The following ZNF469 variants were observed in gnomAD, a reference collection of about 807,000 sequenced individuals.
The protein encoded by ZNF469 is zinc finger protein 469.
A neutral mutation model predicts 1.0 loss-of-function variants in ZNF469; 1 was observed. The observed-to-expected ratio is 1.00, with a 90% confidence interval of 0.35 to 4.73. The LOEUF (loss-of-function observed/expected upper bound fraction) is 4.73, where lower values mean the gene tolerates loss of function less well. Ranked by LOEUF, ZNF469 falls within the 30% of genes most tolerant of loss-of-function variation. The probability of loss-of-function intolerance (pLI) is 0.16; values close to 1 mark genes in which losing one functional copy is unlikely to be tolerated. For missense variants in ZNF469, 6,100 were observed against 5,356.3 expected (o/e 1.14, Z -4.33); for synonymous variants, 2,703 against 2,363.4 (o/e 1.14, Z -4.17).
the ZNF469 span, among the ~76,000 whole-genome samples, chr16:88,152,934 G>A: frequency 1.1e-4 from 17 of 152,256 alleles, no homozygotes; most frequent in East Asian, 1.7e-3. This position sits in a 1 kb window ranked among gnomAD's most constrained non-coding sequence, Gnocchi z 4.2. Context: ...TCCAAATGCC[G>A]TCTCCTCCAC....
the ZNF469 span, among the ~76,000 whole-genome samples, chr16:88,301,009 G>A: frequency 6.6e-6 from 1 of 151,960 alleles, no homozygotes; most frequent in African/African-American, 2.4e-5. Flanking sequence ...AGGTTGCAGT[G>A]AGCTGAAATC....
the ZNF469 span, among the ~76,000 whole-genome samples, chr16:88,315,235 G>A: frequency 3.3e-4 from 51 of 152,330 alleles, 2 homozygotes; most frequent in East Asian, 2.3e-3. Flanking sequence ...TGAAACGGGC[G>A]CACGAGATCT....
At chr16:88,123,954 C>A in the ZNF469 span, among the ~76,000 whole-genome samples, 2 of 152,222 alleles carry the variant, frequency 1.3e-5, no homozygotes, top group Admixed American at 6.5e-5. Flanking sequence ...CAGGCATGTG[C>A]CACCACGCCC....
the ZNF469 span, among the ~76,000 whole-genome samples, chr16:88,311,381 G>A: frequency 2.5e-3 from 375 of 152,178 alleles, 2 homozygotes; most frequent in African/African-American, 8.7e-3. Context: ...TTTTAGAAAT[G>A]TAATGTACAT....
the ZNF469 span, among the ~76,000 whole-genome samples, chr16:88,312,348 A>G: frequency 6.8e-4 from 103 of 152,296 alleles, no homozygotes; most frequent in African/African-American, 2.4e-3. Context: ...GCTGGGATTT[A>G]CCTTCTTGCA....
chr16:88,166,869 T>A, the ZNF469 span, among the ~76,000 whole-genome samples: 99 of 151,964 alleles, frequency 6.5e-4, no homozygotes, highest in African/African-American at 2.1e-3. This position sits in a 1 kb window ranked among gnomAD's most constrained non-coding sequence, Gnocchi z 4.5. Context: ...ACCACATTGA[T>A]AACAGATAGC....
chr16:88,154,402 G>T, the ZNF469 span, among the ~76,000 whole-genome samples: 1 of 152,226 alleles, frequency 6.6e-6, no homozygotes, highest in African/African-American at 2.4e-5. Flanking sequence ...CTGACCTCAA[G>T]AGATCCACCC....
At chr16:88,365,933 T>C in the ZNF469 span, among the ~76,000 whole-genome samples, 1 of 152,198 alleles carries the variant, frequency 6.6e-6, no homozygotes, top group Admixed American at 6.5e-5. Context: ...CAACCAGCCA[T>C]ACACACATGG....
the ZNF469 span, among the ~76,000 whole-genome samples, chr16:88,272,738 A>G: frequency 6.7e-6 from 1 of 148,330 alleles, no homozygotes; most frequent in Non-Finnish European, 1.5e-5. Context: ...GAGTGGACGG[A>G]TGGATGAACG....
At chr16:88,117,328 C>T in the ZNF469 span, among the ~76,000 whole-genome samples, 2 of 152,190 alleles carry the variant, frequency 1.3e-5, no homozygotes, top group Non-Finnish European at 2.9e-5. Flanking sequence ...GTGGCTCTCT[C>T]TGCCTTTCTC....
the ZNF469 span, among the ~76,000 whole-genome samples, chr16:88,289,763 G>T: frequency 6.6e-6 from 1 of 152,334 alleles, no homozygotes; most frequent in South Asian, 2.1e-4. Context: ...CCTGGTAACA[G>T]ATGTTAGAAA....
At chr16:88,349,860 C>T in the ZNF469 span, among the ~76,000 whole-genome samples, 120 of 666 alleles carry the variant, frequency 0.18, no homozygotes, top group East Asian at 0.24. Flanking sequence ...CAAGTGCACA[C>T]ACACCATGCA....
the ZNF469 span, among the ~76,000 whole-genome samples, chr16:88,133,848 C>G: frequency 6.6e-5 from 10 of 152,334 alleles, no homozygotes; most frequent in South Asian, 1.2e-3. Flanking sequence ...AATCCCAGCA[C>G]TGTGGGAGGC....
At chr16:88,187,581 TTTC>T in the ZNF469 span, among the ~76,000 whole-genome samples, 3 of 151,758 alleles carry the variant, frequency 2.0e-5, no homozygotes, top group Admixed American at 6.5e-5. Context: ...AGGTTGTTTT[TTTC>T]TTTCTTTTTT....
At chr16:88,380,904 ACTCACAGACATGCACTCACACAGACACG>A, upstream of ZNF469, among the ~76,000 whole-genome samples, 1 of 113,580 alleles carries the variant, frequency 8.8e-6, no homozygotes, top group Non-Finnish European at 1.6e-5. Flanking sequence ...ACTCACACAC[ACTCACAGACATGCACTCACACAGACACG>A]CACTCACACA....
chr16:88,373,325 T>C, the ZNF469 span, among the ~76,000 whole-genome samples: 2 of 152,066 alleles, frequency 1.3e-5, no homozygotes, highest in African/African-American at 2.4e-5. Flanking sequence ...TGTGACAGGA[T>C]GTGTTAGGTG....
At chr16:88,170,225 A>G in the ZNF469 span, among the ~76,000 whole-genome samples, 1 of 152,196 alleles carries the variant, frequency 6.6e-6, no homozygotes, top group African/African-American at 2.4e-5. This position sits in a 1 kb window ranked among gnomAD's most constrained non-coding sequence, Gnocchi z 4.2. Context: ...GTGCGTATAC[A>G]CTGCCGAATG....
intron 1 of ZNF469, among the ~76,000 whole-genome samples, chr16:88,387,171 C>A (rs539814630): frequency 1.3e-5 from 2 of 152,182 alleles, no homozygotes; most frequent in Admixed American, 6.5e-5. Flanking sequence ...GTGCGGACGC[C>A]GTCCGCACCC....
At chr16:88,354,257 C>A in the ZNF469 span, among the ~76,000 whole-genome samples, 2 of 152,166 alleles carry the variant, frequency 1.3e-5, no homozygotes, top group African/African-American at 4.8e-5. Flanking sequence ...CCAGGGGGAC[C>A]AGGGAGAAGC....
Sources: allele counts gnomAD v4.1 joint callset (sites outside exome capture counted in the v4.1 genomes callset), GRCh38; gene constraint gnomAD v4.1.1; non-coding constraint Gnocchi (gnomAD v3.1); transcripts MANE v1.5; gene names NCBI Gene and HGNC (gene_info 2026-07-23, HGNC 2026-07-21).